EGFLAM: variants seen among roughly 807,000 people sequenced by gnomAD.
The protein encoded by EGFLAM is pikachurin.
EGFLAM carries 79 observed loss-of-function variants against 113.1 expected under a neutral mutation model. The observed-to-expected ratio is 0.70, with a 90% CI of 0.58 to 0.84. The LOEUF (loss-of-function observed/expected upper bound fraction) is 0.84. Ranked by LOEUF, EGFLAM falls within the 40% of genes least tolerant of loss-of-function variation. EGFLAM has a pLI of 0.00. For missense variants in EGFLAM, 1,265 were observed against 1,291.6 expected (o/e 0.98, Z 0.32); for synonymous variants, 504 against 487.6 (o/e 1.03, Z -0.44).
At chr5:38,357,049 TGATA>T (rs1739780660) in intron 5 of EGFLAM, among the ~76,000 whole-genome samples, 1 of 152,146 alleles carries the variant, frequency 6.6e-6, no homozygotes, top group Non-Finnish European at 1.5e-5. Context: ...AAGAACACAG[TGATA>T]AGATGCCATC....
intron 1 of EGFLAM, among the ~76,000 whole-genome samples, chr5:38,319,213 G>A (rs917299673): frequency 3.3e-5 from 5 of 152,100 alleles, no homozygotes; most frequent in African/African-American, 1.2e-4. Context: ...TTCAGACTGG[G>A]GATGACTGGA....
At chr5:38,439,083 C>A (rs1742449968) in intron 17 of EGFLAM, among the ~76,000 whole-genome samples, 1 of 152,108 alleles carries the variant, frequency 6.6e-6, no homozygotes, top group African/African-American at 2.4e-5. Context: ...GACAATGGAT[C>A]CAGAACATTT....
At chr5:38,348,198 C>A (rs1739523369) in intron 3 of EGFLAM, among the ~76,000 whole-genome samples, 1 of 152,112 alleles carries the variant, frequency 6.6e-6, no homozygotes, top group African/African-American at 2.4e-5. Flanking sequence ...GAGGCCCTCA[C>A]AAATCCATGC....
At position 38,425,064 on chromosome 5, in the gene EGFLAM, T is replaced by G. The variant is rs1054621328; in HGVS notation, c.1782T>G (p.Leu594=). The G allele has an allele frequency of 6.2e-6, 10 of 1,614,064 alleles. No individual in the cohort carries two copies. Among genetic ancestry groups the G allele is most frequent in the Non-Finnish European group, 8.5e-6 (10 of 1,179,948 alleles). Residue 594 remains leucine (L), a synonymous_variant, in exon 13 of 22, where the codon CTT becomes CTG. Transcript: ENST00000322350. ...KADSYICLCP[L]GFKGRHCEDA... ...ACTCCTACATTTGCCTCTGTCCCCT[T>G]GGGTTTAAAGGTCGACACTGTGAAG...
At chr5:38,358,307 C>T (rs1435150575) in intron 5 of EGFLAM, among the ~76,000 whole-genome samples, 3 of 150,934 alleles carry the variant, frequency 2.0e-5, no homozygotes, top group African/African-American at 4.9e-5. Flanking sequence ...GTTGGCCGGG[C>T]GAGGTGGCGG....
rs771573528 is a variant in EGFLAM at position 38,448,299 on chromosome 5, A to G, written c.2465-2A>G. On this transcript the variant is annotated splice_acceptor_variant, in intron 17 of 21. Transcript: ENST00000322350. LOFTEE classifies it high-confidence loss of function. ...TAACCTCCTTTTTCTGTTCTGTCCC[A>G]GCGATCATAGAAGCCATTGAGATCC... is the stretch of plus-strand genomic sequence containing the variant. 3 of 1,614,188 alleles carry G rather than the reference A, an allele frequency of 1.9e-6. No individual in the cohort carries two copies. In the East Asian group the frequency reaches 6.7e-5, roughly 36 times the overall value.
chr5:38,352,771 C>T (rs1429668396), intron 5 of EGFLAM, among the ~76,000 whole-genome samples: 1 of 152,082 alleles, frequency 6.6e-6, no homozygotes, highest in Non-Finnish European at 1.5e-5. Flanking sequence ...CTTGGAAGCC[C>T]ATGTATATAC....
At chr5:38,432,999 T>C (rs968721435) in intron 15 of EGFLAM, among the ~76,000 whole-genome samples, 5 of 152,188 alleles carry the variant, frequency 3.3e-5, no homozygotes, top group African/African-American at 9.7e-5. Flanking sequence ...AGGTGTGGCT[T>C]TGGTGTGTGC....
intron 1 of EGFLAM, among the ~76,000 whole-genome samples, chr5:38,302,556 A>T (rs980970954): frequency 1.1e-4 from 16 of 152,230 alleles, no homozygotes; most frequent in African/African-American, 3.6e-4. Context: ...AATTAGCAAG[A>T]GGAGAAGGGT....
chr5:38,304,710 A>T (rs1758682634), intron 1 of EGFLAM, among the ~76,000 whole-genome samples: 1 of 152,224 alleles, frequency 6.6e-6, no homozygotes, highest in African/African-American at 2.4e-5. Flanking sequence ...ATAATCAAGG[A>T]TTCCTAAGCA....
intron 14 of EGFLAM, chr5:38,430,202 C>T (rs1255379245): frequency 6.1e-6 from 1 of 163,210 alleles, no homozygotes; most frequent in Non-Finnish European, 1.4e-5. Flanking sequence ...AAAGGTCCTT[C>T]TTATTTTTTA....
chr5:38,272,063 G>A (rs190311200), intron 1 of EGFLAM, among the ~76,000 whole-genome samples: 102 of 152,312 alleles, frequency 6.7e-4, no homozygotes, highest in Non-Finnish European at 1.2e-3. Flanking sequence ...GTATGATTCA[G>A]AGAAGTGAAT....
intron 6 of EGFLAM, chr5:38,401,106 G>T (rs1030410523): frequency 6.6e-6 from 1 of 152,148 alleles, no homozygotes; most frequent in Admixed American, 6.5e-5. Flanking sequence ...TTTACTTGTC[G>T]AAATGAGCAG....
chr5:38,328,510 G>T (rs571153965), intron 1 of EGFLAM, among the ~76,000 whole-genome samples: 1 of 152,210 alleles, frequency 6.6e-6, no homozygotes, highest in East Asian at 1.9e-4. Flanking sequence ...GCATATTGCC[G>T]CCAAAGTGTC....
intron 1 of EGFLAM, among the ~76,000 whole-genome samples, chr5:38,301,252 C>G (rs1214420456): frequency 6.6e-6 from 1 of 152,048 alleles, no homozygotes; most frequent in Non-Finnish European, 1.5e-5. Context: ...CAGGAGGAAA[C>G]CAGGAGAGGG....
At chr5:38,284,007 C>G (rs1758089196) in intron 1 of EGFLAM, 1 of 152,372 alleles carries the variant, frequency 6.6e-6, no homozygotes, top group South Asian at 2.1e-4. Flanking sequence ...GGTAGAAAGG[C>G]AGGGGTGTCA....
intron 2 of EGFLAM, among the ~76,000 whole-genome samples, chr5:38,338,167 G>A (rs1236895313): frequency 6.6e-6 from 1 of 152,110 alleles, no homozygotes; most frequent in Non-Finnish European, 1.5e-5. Flanking sequence ...TTGGAGTTGT[G>A]CACTCTCTGG....
rs912809691 is a variant in EGFLAM at position 38,404,025 on chromosome 5, G to A, written c.713-2101G>A. On this transcript the variant is annotated intron_variant, in intron 6 of 21. Coordinates refer to ENST00000322350, the MANE Select transcript of EGFLAM (RefSeq NM_152403.4). ...ATCCCACCTCCACCAAGAAGTGCCCGAACCCCTGAGAACAGCTCACTCCAC... is the reference window on the plus strand; with the variant it reads ...ATCCCACCTCCACCAAGAAGTGCCCAAACCCCTGAGAACAGCTCACTCCAC... 1.3e-4 allele frequency: 205 copies of A among 1,534,978 alleles called. No individual in the cohort carries two copies. In the African/African-American group the frequency reaches 1.7e-3, roughly 13 times the overall value.
chr5:38,453,210 G>T (rs1742978012), intron 19 of EGFLAM, among the ~76,000 whole-genome samples: 1 of 152,186 alleles, frequency 6.6e-6, no homozygotes, highest in Non-Finnish European at 1.5e-5. Context: ...AAAGCTTTGA[G>T]TTCCATGGGG....
Sources: allele counts gnomAD v4.1 joint callset (sites outside exome capture counted in the v4.1 genomes callset), GRCh38; gene constraint gnomAD v4.1.1; transcripts MANE v1.5; gene names NCBI Gene and HGNC (gene_info 2026-07-23, HGNC 2026-07-21).